Variants in CTNND2 observed in about 807,000 individuals in gnomAD.
The protein encoded by CTNND2 is catenin delta 2.
A neutral mutation model predicts 144.4 loss-of-function variants in CTNND2; 22 were observed. The ratio of observed to expected loss-of-function variants is 0.15; its 90% CI spans 0.11 to 0.22. CTNND2 has a LOEUF of 0.22. Among genes scored for constraint, CTNND2 ranks in the 10% least tolerant of loss-of-function variants. CTNND2 has a pLI of 1.00. For missense variants in CTNND2, 1,353 were observed against 1,618.8 expected (o/e 0.84, Z 2.82); for synonymous variants, 751 against 695.6 (o/e 1.08, Z -1.25).
intron 3 of CTNND2, among the ~76,000 whole-genome samples, chr5:11,558,859 T>C (rs1481781482): frequency 2.0e-5 from 3 of 152,174 alleles, no homozygotes; most frequent in Non-Finnish European, 4.4e-5. Context: ...CTCATCTATA[T>C]GACGTGAGAA....
chr5:11,346,982 C>G (rs1754865305), intron 8 of CTNND2, among the ~76,000 whole-genome samples: 1 of 152,048 alleles, frequency 6.6e-6, no homozygotes, highest in African/African-American at 2.4e-5. Context: ...TCTTCATTTT[C>G]AAGTTGAGAA....
chr5:11,250,491 CTATATA>C, intron 9 of CTNND2, among the ~76,000 whole-genome samples: 1 of 64,110 alleles, frequency 1.6e-5, no homozygotes, highest in Non-Finnish European at 2.5e-5. Context: ...CTCTCTCTCT[CTATATA>C]TATATATATA....
chr5:11,038,749 C>A (rs958007787), intron 16 of CTNND2, among the ~76,000 whole-genome samples: 1 of 152,170 alleles, frequency 6.6e-6, no homozygotes, highest in East Asian at 1.9e-4. Context: ...CAAAAGTTAA[C>A]CCTCAAGATT....
At chr5:11,449,825 C>G (rs559108322) in intron 3 of CTNND2, among the ~76,000 whole-genome samples, 1 of 152,276 alleles carries the variant, frequency 6.6e-6, no homozygotes, top group South Asian at 2.1e-4. Context: ...GACTGCTGTA[C>G]TCACAGTATC....
intron 11 of CTNND2, among the ~76,000 whole-genome samples, chr5:11,176,707 A>T (rs1760513441): frequency 6.6e-6 from 1 of 152,104 alleles, no homozygotes; most frequent in African/African-American, 2.4e-5. Flanking sequence ...ATCCAGCAAA[A>T]TCTGAATTGG....
chr5:11,531,911 TA>T, intron 3 of CTNND2, among the ~76,000 whole-genome samples: 1 of 152,142 alleles, frequency 6.6e-6, no homozygotes, highest in African/African-American at 2.4e-5. Context: ...ATCCACCAAA[TA>T]AAGTCTGGTC....
At chr5:11,822,785 G>T (rs1306468356) in intron 1 of CTNND2, among the ~76,000 whole-genome samples, 1 of 152,098 alleles carries the variant, frequency 6.6e-6, no homozygotes, top group Non-Finnish European at 1.5e-5. Context: ...GAAACTCAAT[G>T]CTGCTAACAA....
At chr5:11,021,952 CT>C (rs1276631661) in intron 17 of CTNND2, among the ~76,000 whole-genome samples, 4 of 152,086 alleles carry the variant, frequency 2.6e-5, no homozygotes. Context: ...GTGAAGGTTT[CT>C]GTAAAATTGA....
chr5:11,635,467 C>T (rs1424806325), intron 2 of CTNND2, among the ~76,000 whole-genome samples: 3 of 152,092 alleles, frequency 2.0e-5, no homozygotes, highest in East Asian at 3.9e-4. Context: ...AGATAAGACT[C>T]GAATGGATGA....
chr5:11,115,325 C>A (rs1753434711), intron 13 of CTNND2, among the ~76,000 whole-genome samples: 2 of 152,196 alleles, frequency 1.3e-5, no homozygotes, highest in African/African-American at 4.8e-5. Context: ...GGTGGCTGCA[C>A]TTAGCCAAAG....
chr5:10,972,356 A>AAAG lies in CTNND2; in HGVS notation c.*1094_*1096dup, dbSNP rs1303255342. 5.3e-5 allele frequency: 8 copies of AAAG among 152,348 alleles called. No individual in the cohort carries two copies. Among genetic ancestry groups the AAAG allele is most frequent in the Admixed American group, 3.9e-4 (6 of 15,286 alleles). 9.4% of individuals were successfully genotyped at this position (152,348 alleles called of 1,614,324 possible). A position where few individuals can be genotyped will look rare whatever the true frequency, so the allele number is the denominator to read the frequency against. ...ACATTTATACTAAAAAACCAAAAACAAAGTTTGTACAAGATGAACAGCAAA... is the reference window on the plus strand; with the variant it reads ...ACATTTATACTAAAAAACCAAAAACAAAGAAGTTTGTACAAGATGAACAGCAAA... On this transcript the variant is annotated 3_prime_UTR_variant, in exon 22 of 22. Coordinates refer to ENST00000304623, the MANE Select transcript of CTNND2 (RefSeq NM_001332.4).
chr5:11,338,685 T>C lies in CTNND2; in HGVS notation c.1628+7687A>G, dbSNP rs1753956229. Among the ~76,000 whole-genome samples, 3 of 152,204 alleles carry C rather than the reference T, an allele frequency of 2.0e-5. No homozygotes were observed. The South Asian group carries it at 6.2e-4, about 32-fold the overall frequency. ...CCTTAGTATAAATTAGGTGGGTATA[T>C]TTAGGTAGCATTAGAAATGAGTTGT... is the stretch of plus-strand genomic sequence containing the variant. On this transcript the variant is annotated intron_variant, in intron 9 of 21. Coordinates refer to ENST00000304623, the MANE Select transcript of CTNND2 (RefSeq NM_001332.4).
intron 3 of CTNND2, among the ~76,000 whole-genome samples, chr5:11,515,123 A>C (rs1772041036): frequency 6.6e-6 from 1 of 152,112 alleles, no homozygotes; most frequent in South Asian, 2.1e-4. Flanking sequence ...AAAAAAAAAA[A>C]AAACGCATTT....
At chr5:11,791,716 T>C (rs761510375) in intron 1 of CTNND2, among the ~76,000 whole-genome samples, 1 of 152,216 alleles carries the variant, frequency 6.6e-6, no homozygotes, top group African/African-American at 2.4e-5. Context: ...ATCTGGGACA[T>C]TGAGGCTCTT....
chr5:11,538,937 T>C (rs1477204932), intron 3 of CTNND2, among the ~76,000 whole-genome samples: 1 of 152,188 alleles, frequency 6.6e-6, no homozygotes, highest in East Asian at 1.9e-4. Flanking sequence ...CAAAAAGCCA[T>C]ACATAATTCT....
chr5:11,727,050 C>A (rs1452088452), intron 2 of CTNND2, among the ~76,000 whole-genome samples: 2 of 152,186 alleles, frequency 1.3e-5, no homozygotes, highest in African/African-American at 4.8e-5. Context: ...TCACCCATAA[C>A]TGGAACTCCC....
chr5:11,382,209 C>T (rs1031053312), intron 7 of CTNND2, among the ~76,000 whole-genome samples: 14 of 152,206 alleles, frequency 9.2e-5, no homozygotes, highest in Non-Finnish European at 1.5e-4. Context: ...TGATAATTTT[C>T]TGTCTTCCTC....
At chr5:11,428,873 G>A (rs1581174189) in intron 3 of CTNND2, among the ~76,000 whole-genome samples, 1 of 152,306 alleles carries the variant, frequency 6.6e-6, no homozygotes, top group Non-Finnish European at 1.5e-5. Flanking sequence ...TCAAGAATCA[G>A]TTCCTGAGCT....
chr5:11,581,210 A>G lies in CTNND2; in HGVS notation c.175-16154T>C, dbSNP rs557801315. ...TACGCTACAGACTCTTCAGATGATAACTTTGAACCTGCAGACAAGGTGGGA... is the reference window on the plus strand; with the variant it reads ...TACGCTACAGACTCTTCAGATGATAGCTTTGAACCTGCAGACAAGGTGGGA... On this transcript the variant is annotated intron_variant, in intron 2 of 21. Transcript: ENST00000304623. Among the ~76,000 whole-genome samples, 4 of 152,258 alleles carry G rather than the reference A, an allele frequency of 2.6e-5. No individual in the cohort carries two copies. The East Asian group carries it at 7.7e-4, about 29-fold the overall frequency.
Sources: allele counts gnomAD v4.1 joint callset (sites outside exome capture counted in the v4.1 genomes callset), GRCh38; gene constraint gnomAD v4.1.1; transcripts MANE v1.5; gene names NCBI Gene and HGNC (gene_info 2026-07-23, HGNC 2026-07-21).